POLE3: variants seen among roughly 807,000 people sequenced by gnomAD.
POLE3 encodes DNA polymerase epsilon subunit 3.
Under a neutral mutation model 16.1 loss-of-function variants are expected in POLE3, and 10 were observed. That is an observed-to-expected ratio of 0.62 (90% CI 0.38 to 1.05). The LOEUF is 1.05. Among genes scored for constraint, POLE3 ranks in the 50% least tolerant of loss-of-function variants. POLE3 has a pLI of 0.01. For synonymous variants in POLE3, 83 were observed against 71.0 expected (o/e 1.17, Z -0.85); for missense variants, 169 against 185.0 (o/e 0.91, Z 0.50).
chr9:113,409,368 A>AC (rs1564390071), intron 4 of POLE3, among the ~76,000 whole-genome samples: 9 of 151,618 alleles, frequency 5.9e-5, no homozygotes, highest in Non-Finnish European at 1.3e-4. Context: ...TCAAAAAAAA[A>AC]AAAAAAAAAA....
At position 113,408,739 on chromosome 9, in the gene POLE3, A is replaced by G. The variant is rs1827989097; in HGVS notation, c.*72T>C. The G allele has an allele frequency of 7.8e-7, 1 of 1,279,952 alleles. No individual in the cohort carries two copies. Among genetic ancestry groups the G allele is most frequent in the Non-Finnish European group, 1.1e-6 (1 of 897,390 alleles). 79.3% of individuals were successfully genotyped at this position (1,279,952 alleles called of 1,614,324 possible). The stretch of plus-strand genomic sequence containing the variant: ...GAGACTACTCTGCCCAGCATGGAAA[A>G]GCTTCACAGAAACACGTAGCACGTC... On this transcript the variant is annotated 3_prime_UTR_variant, in exon 5 of 5. Coordinates refer to ENST00000374171, the MANE Select transcript of POLE3 (RefSeq NM_017443.5).
Position 113,408,937 on chromosome 9 carries a change from C to G in POLE3, c.318G>C (p.Lys106Asn). The G allele has an allele frequency of 6.2e-7, 1 of 1,613,904 alleles. No homozygotes were observed. Among genetic ancestry groups the G allele is most frequent in the Non-Finnish European group, 8.5e-7 (1 of 1,179,912 alleles). Reference sequence around the variant, plus strand: ...CTGTTTTTTTGTCTTTGTCCTTCTTCTTTTGCTCTGAGGCCTCCTTCTTGC... The same window carrying G: ...CTGTTTTTTTGTCTTTGTCCTTCTTGTTTTGCTCTGAGGCCTCCTTCTTGC... Reference protein sequence around the residue: ...QKGKKEASEQKKKDKDKKTDS... With the variant: ...QKGKKEASEQNKKDKDKKTDS... The change falls in exon 5 of 5, where the codon AAG (lysine) becomes AAC (asparagine). Residue 106 changes from lysine to asparagine, a missense_variant. Lys to Asn is a moderately conservative substitution (Grantham distance 94). Coordinates refer to ENST00000374171, the MANE Select transcript of POLE3 (RefSeq NM_017443.5).
chr9:113,408,831 C>T lies in POLE3; in HGVS notation c.424G>A (p.Glu142Lys). 1 of 1,613,834 alleles carries T rather than the reference C, an allele frequency of 6.2e-7. No individual in the cohort carries two copies. The highest frequency in any genetic ancestry group is 8.5e-7 in the Non-Finnish European group (1 of 1,179,828). Residue 142 changes from glutamate to lysine, a missense_variant, in exon 5 of 5, where the codon GAG becomes AAG. By Grantham distance (56) the Glu-to-Lys change is moderately conservative (BLOSUM62 1). Coordinates refer to ENST00000374171, the MANE Select transcript of POLE3 (RefSeq NM_017443.5). ...CCTTTTCAGTTGTCTACTTCTTCCT[C>T]TTCATTCTGTTCTTCTTCTTCCAGC... Reference protein sequence around the residue: ...ERLEEEEQNEEEEVDN With the variant: ...ERLEEEEQNEKEEVDN
At chr9:113,409,301 G>A (rs1588093738) in intron 4 of POLE3, among the ~76,000 whole-genome samples, 1 of 150,522 alleles carries the variant, frequency 6.6e-6, no homozygotes, top group African/African-American at 2.5e-5. Flanking sequence ...AGGAGACTGC[G>A]GTGAGCTGAG....
Position 113,410,315 on chromosome 9 carries a change from T to TC in POLE3, c.-23dup. ...CCATTGCCGCCGCTGGGGCTTAAAC[T>TC]CCCCTTCGCCTCCGCTTCAGGGAGC... On this transcript the variant is annotated 5_prime_UTR_variant, in exon 2 of 5. Coordinates refer to ENST00000374171, the MANE Select transcript of POLE3 (RefSeq NM_017443.5). The TC allele has an allele frequency of 6.2e-7, 1 of 1,608,554 alleles. No individual in the cohort carries two copies. The highest frequency in any genetic ancestry group is 8.5e-7 in the Non-Finnish European group (1 of 1,177,318).
intron 4 of POLE3, 49 bp downstream of exon 4, chr9:113,409,561 C>T (rs1388586668): frequency 1.8e-6 from 2 of 1,134,160 alleles, no homozygotes; most frequent in Non-Finnish European, 2.7e-6. Context: ...GAACAGGTCA[C>T]ACAGGATGAC....
chr9:113,409,006 T>C, intron 4 of POLE3, 23 bp from the exon 5 acceptor site: 1 of 1,609,774 alleles, frequency 6.2e-7, no homozygotes, highest in Non-Finnish European at 8.5e-7. Flanking sequence ...AACAAGGGGT[T>C]AGGAGACAGA....
At chr9:113,409,864 T>C in intron 3 of POLE3, 136 bp from the exon 4 acceptor site, 1 of 765,568 alleles carries the variant, frequency 1.3e-6, no homozygotes, top group Non-Finnish European at 2.2e-6. Context: ...AGTCCTTCCC[T>C]TCTCTGCACA....
rs762734329 is a variant in POLE3, at chr9:113,408,796, A to AGTCTCCCGCCCT, written c.*3_*14dup. ...CAAGTGGTACCTTCCAAGGTGCCAC[A>AGTCTCCCGCCCT]GTCTCCCGCCCTTTTCAGTTGTCTA... is the stretch of plus-strand genomic sequence containing the variant. On this transcript the variant is annotated 3_prime_UTR_variant, in exon 5 of 5. Coordinates refer to ENST00000374171, the MANE Select transcript of POLE3 (RefSeq NM_017443.5). 9 of 1,606,256 alleles carry AGTCTCCCGCCCT rather than the reference A, an allele frequency of 5.6e-6. No individual in the cohort carries two copies. In the Admixed American group the frequency reaches 1.5e-4, roughly 27 times the overall value.
intron 4 of POLE3, 119 bp downstream of exon 4, chr9:113,409,491 C>T (rs952606606): frequency 1.5e-6 from 1 of 683,344 alleles, no homozygotes; most frequent in African/African-American, 1.8e-5. Context: ...GGTCGAGTCA[C>T]ATCAAGTGCT....
At chr9:113,410,184 T>TG in intron 2 of POLE3, 44 bp from the exon 3 acceptor site, 1 of 1,610,076 alleles carries the variant, frequency 6.2e-7, no homozygotes, top group Non-Finnish European at 8.5e-7. Context: ...TTCCAGCACC[T>TG]GCTTCCCTCC....
In POLE3 at chr9:113,409,671, G is replaced by C; in HGVS notation, c.210C>G (p.Leu70=). 1.2e-6 allele frequency: 2 copies of C among 1,613,926 alleles called. No individual in the cohort carries two copies. The highest frequency in any genetic ancestry group is 8.5e-7 in the Non-Finnish European group (1 of 1,179,814). The change falls in exon 4 of 5, where the codon CTC becomes CTG. Residue 70 remains leucine, a synonymous_variant. Coordinates refer to ENST00000374171, the MANE Select transcript of POLE3 (RefSeq NM_017443.5). The part of the protein sequence containing the change: ...KRKTLNASDV[L]SAMEEMEFQR... ...GGAACTCCATCTCTTCCATGGCTGAGAGCACATCACTGGCATTCAGCGTCT... is the reference window on the plus strand; with the variant it reads ...GGAACTCCATCTCTTCCATGGCTGACAGCACATCACTGGCATTCAGCGTCT...
chr9:113,409,939 G>C (rs985833339), intron 3 of POLE3, 116 bp downstream of exon 3: 1 of 860,154 alleles, frequency 1.2e-6, no homozygotes, highest in African/African-American at 1.7e-5. Context: ...AACTGGCAGA[G>C]GACTGTGAAC....
rs540367005 is a variant in POLE3 at position 113,408,756 on chromosome 9, T to C, written c.*55A>G. ...CATGGAAAAGCTTCACAGAAACACG[T>C]AGCACGTCTCATTTCAAGTGGTACC... is the stretch of plus-strand genomic sequence containing the variant. On this transcript the variant is annotated 3_prime_UTR_variant, in exon 5 of 5. Transcript: ENST00000374171. 6 of 1,417,878 alleles carry C rather than the reference T, an allele frequency of 4.2e-6. No homozygotes were observed. The highest frequency in any genetic ancestry group is 3.6e-5 in the South Asian group (3 of 83,900). 87.8% of individuals were successfully genotyped at this position (1,417,878 alleles called of 1,614,324 possible).
intron 1 of POLE3, 31 bp from the exon 2 acceptor site, chr9:113,410,439 T>C (rs1828079892): frequency 1.5e-6 from 1 of 687,684 alleles, no homozygotes; most frequent in South Asian, 1.7e-5. Flanking sequence ...CTGAGCGCCA[T>C]AGCCTCCCTC....
intron 3 of POLE3, 71 bp from the exon 4 acceptor site, chr9:113,409,799 G>C: frequency 9.6e-7 from 1 of 1,038,406 alleles, no homozygotes; most frequent in Non-Finnish European, 1.5e-6. Context: ...AGCACCCAGA[G>C]GTGGAACGGG....
intron 3 of POLE3, 131 bp downstream of exon 3, chr9:113,409,924 G>A (rs1029269127): frequency 1.2e-6 from 1 of 811,182 alleles, no homozygotes; most frequent in Non-Finnish European, 1.9e-6. Flanking sequence ...TTCAGAACTT[G>A]TAAAAACTGG....
In POLE3 at chr9:113,410,426, G is replaced by C; in HGVS notation, c.-115-18C>G. Reference sequence around the variant, plus strand: ...CACGTGGCCTACAGTGTCCCACAGTGCTCTGAGCGCCATAGCCTCCCTCCT... The same window carrying C: ...CACGTGGCCTACAGTGTCCCACAGTCCTCTGAGCGCCATAGCCTCCCTCCT... On this transcript the variant is annotated intron_variant, in intron 1 of 4. Transcript: ENST00000374171. 1.3e-6 allele frequency: 1 copy of C among 757,818 alleles called. No homozygotes were observed. The highest frequency in any genetic ancestry group is 2.2e-6 in the Non-Finnish European group (1 of 449,826). The allele number at this position is 757,818 out of a possible 1,614,324, so 46.9% of individuals were successfully genotyped here. A position where few individuals can be genotyped will look rare whatever the true frequency, so the allele number is the denominator to read the frequency against.
rs1827975579 is a variant in POLE3, at chr9:113,407,988, G to A, written c.*823C>T. On this transcript the variant is annotated 3_prime_UTR_variant, in exon 5 of 5. Transcript: ENST00000374171. ...CACAAGTCTGGGAGATGGACTACAA[G>A]AAGAGGAAGCCTGGGGTTTTACACC... 2.0e-5 allele frequency: 3 copies of A among 152,766 alleles called. No homozygotes were observed. Among genetic ancestry groups the A allele is most frequent in the Non-Finnish European group, 2.9e-5 (2 of 68,074 alleles). 9.5% of individuals were successfully genotyped at this position (152,766 alleles called of 1,614,324 possible).
Sources: allele counts gnomAD v4.1 joint callset (sites outside exome capture counted in the v4.1 genomes callset), GRCh38; gene constraint gnomAD v4.1.1; transcripts MANE v1.5; gene names NCBI Gene and HGNC (gene_info 2026-07-23, HGNC 2026-07-21).